The following LDB1 variants were observed in gnomAD, a reference collection of about 807,000 sequenced individuals.
LDB1 encodes the protein LIM domain binding 1, also known as LIM domain-binding protein 1.
A neutral mutation model predicts 49.7 loss-of-function variants in LDB1; 6 were observed. That is an observed-to-expected ratio of 0.12 (90% CI 0.07 to 0.24). The LOEUF (loss-of-function observed/expected upper bound fraction) is 0.24. LDB1 is among the 10% of genes least tolerant of loss of function. LDB1 has a pLI of 1.00. For missense variants in LDB1, 341 were observed against 561.7 expected, an observed-to-expected ratio of 0.61 and a Z score of 3.97; for synonymous variants, 233 against 202.0, an observed-to-expected ratio of 1.15 and a Z score of -1.30.
rs1174484869 is a variant in LDB1, at chr10:102,116,735, T to C, written c.25+3351A>G. ...ACCATTCCTCATCACAGCCTGGCCA[T>C]AGAATAAACCCCAGCTTTCACAAAC... On this transcript the variant is annotated intron_variant, in intron 1 of 10. Coordinates refer to ENST00000673968, the MANE Select transcript of LDB1 (RefSeq NM_001113407.3). Among the ~76,000 whole-genome samples, 9 of 152,106 alleles carry C rather than the reference T, an allele frequency of 5.9e-5. No individual in the cohort carries two copies. The East Asian group carries it at 7.7e-4, about 13-fold the overall frequency.
At chr10:102,112,131 C>T (rs78909136) in intron 1 of LDB1, among the ~76,000 whole-genome samples, 2,979 of 152,266 alleles carry the variant, frequency 0.02, 92 homozygotes, top group African/African-American at 0.068. Context: ...GGAATTGAAG[C>T]TGGGAAGAAT....
At chr10:102,102,109 G>A (rs1445602239), downstream of LDB1, among the ~76,000 whole-genome samples, 4 of 152,064 alleles carry the variant, frequency 2.6e-5, no homozygotes, top group African/African-American at 9.7e-5. Flanking sequence ...ATTTTTCATA[G>A]AGACAGGGTT....
At position 102,110,988 on chromosome 10, in the gene LDB1, C is replaced by A. The variant is rs751164059; in HGVS notation, c.250-17G>T. ...GTCACACTCCTAGGGAGCATGGTAACGGGTGTTCATGTGTCATAAGATATC... is the reference window on the plus strand; with the variant it reads ...GTCACACTCCTAGGGAGCATGGTAAAGGGTGTTCATGTGTCATAAGATATC... On this transcript the variant is annotated splice_polypyrimidine_tract_variant and intron_variant, in intron 4 of 10. Transcript: ENST00000673968. 6.2e-7 allele frequency: 1 copy of A among 1,612,518 alleles called. No individual in the cohort carries two copies.
chr10:102,119,189 C>T (rs2133535403), intron 1 of LDB1, among the ~76,000 whole-genome samples: 2 of 152,246 alleles, frequency 1.3e-5, no homozygotes, highest in South Asian at 4.1e-4. Flanking sequence ...TTCCAGGACC[C>T]AGAGTCCCGG....
chr10:102,110,493 G>C (rs373109358), intron 6 of LDB1, 36 bp downstream of exon 6: 8 of 1,587,064 alleles, frequency 5.0e-6, no homozygotes, highest in Non-Finnish European at 6.9e-6. Context: ...TCAAACCCAG[G>C]TGCCATGGTG....
chr10:102,109,346 G>A lies in LDB1; in HGVS notation c.856+38C>T. 2.5e-6 allele frequency: 4 copies of A among 1,613,036 alleles called. No homozygotes were observed. Among genetic ancestry groups the A allele is most frequent in the Non-Finnish European group, 3.4e-6 (4 of 1,179,706 alleles). On this transcript the variant is annotated intron_variant, in intron 9 of 10. Coordinates refer to ENST00000673968, the MANE Select transcript of LDB1 (RefSeq NM_001113407.3). The surrounding 1 kb of genome is among the most constrained non-coding windows in gnomAD (Gnocchi z 5.8). ...AATAAAGATACAGCTTTGGGGAGCGGTGTGAGATCCTGGTAAGAGCAGGTG... is the reference window on the plus strand; with the variant it reads ...AATAAAGATACAGCTTTGGGGAGCGATGTGAGATCCTGGTAAGAGCAGGTG...
Position 102,109,243 on chromosome 10 carries a change from C to T in LDB1, c.857-66G>A. 1.9e-6 allele frequency: 3 copies of T among 1,609,602 alleles called. No individual in the cohort carries two copies. The East Asian group carries it at 6.7e-5, about 36-fold the overall frequency. On this transcript the variant is annotated intron_variant, in intron 9 of 10. Transcript: ENST00000673968. The surrounding 1 kb of genome is among the most constrained non-coding windows in gnomAD (Gnocchi z 5.8). ...GGTCCCCTATTCTCCATTGTGGCTC[C>T]CAAGGAGCATGAGCCTGCCCTGATC...
rs2068345127 is a variant in LDB1 at position 102,117,164 on chromosome 10, T to G, written c.25+2922A>C. The stretch of plus-strand genomic sequence containing the variant: ...CTGGCTTTTGCCTCCAGCCCAGAGC[T>G]CAGAACCCCACACCCACCCTGTCTC... On this transcript the variant is annotated intron_variant, in intron 1 of 10. Coordinates refer to ENST00000673968, the MANE Select transcript of LDB1 (RefSeq NM_001113407.3). The surrounding 1 kb of genome is among the most constrained non-coding windows in gnomAD (Gnocchi z 4.2). Among the ~76,000 whole-genome samples, 1 of 152,014 alleles carries G rather than the reference T, an allele frequency of 6.6e-6. No individual in the cohort carries two copies. The highest frequency in any genetic ancestry group is 1.5e-5 in the Non-Finnish European group (1 of 67,996).
rs1590281501 is a variant in LDB1, at chr10:102,109,872, T to C, written c.648+49A>G. On this transcript the variant is annotated intron_variant, in intron 7 of 10. Transcript: ENST00000673968. This position sits in a 1 kb window ranked among gnomAD's most constrained non-coding sequence, Gnocchi z 5.8. ...GAAATGGCAGACCTTGTTCCACCCT[T>C]CCCCCGCCTGCCTTCACTCTTGCAT... 1.9e-6 allele frequency: 3 copies of C among 1,591,010 alleles called. No individual in the cohort carries two copies. The highest frequency in any genetic ancestry group is 8.6e-7 in the Non-Finnish European group (1 of 1,168,904).
Position 102,111,615 on chromosome 10 carries a change from G to C in LDB1, c.26-79C>G, listed in dbSNP as rs1227533402. 3.5e-5 allele frequency: 28 copies of C among 795,290 alleles called. No individual in the cohort carries two copies. In the East Asian group the frequency reaches 7.6e-4, roughly 22 times the overall value. 49.3% of individuals were successfully genotyped at this position (795,290 alleles called of 1,614,324 possible). ...CTAGCACTTTGGGAGTCCAAGGCAA[G>C]AAGATTGATTGAGCACAGGAGGTCG... On this transcript the variant is annotated intron_variant, in intron 1 of 10. Transcript: ENST00000673968.
chr10:102,110,152 G>C, intron 6 of LDB1, 109 bp from the exon 7 acceptor site: 1 of 1,232,044 alleles, frequency 8.1e-7, no homozygotes, highest in Non-Finnish European at 1.1e-6. Flanking sequence ...ATACACTTTT[G>C]TCACCTGCAC....
At chr10:102,114,618 A>G (rs1280576730) in intron 1 of LDB1, 2 of 984,770 alleles carry the variant, frequency 2.0e-6, no homozygotes, top group African/African-American at 3.5e-5. Flanking sequence ...GTCCCGGGGG[A>G]AAGTTACAAT....
intron 1 of LDB1, among the ~76,000 whole-genome samples, chr10:102,113,753 AT>A (rs1477739354): frequency 7.9e-5 from 11 of 138,554 alleles, no homozygotes; most frequent in African/African-American, 3.1e-4. Context: ...TTTCTCTCCA[AT>A]TTTGTAAAAA....
At chr10:102,112,634 A>G (rs559342856) in intron 1 of LDB1, among the ~76,000 whole-genome samples, 1 of 139,922 alleles carries the variant, frequency 7.1e-6, no homozygotes, top group South Asian at 2.3e-4. Flanking sequence ...TATTGTCTCC[A>G]AACCAGAAAC....
chr10:102,108,156 G>A lies in LDB1; in HGVS notation c.1173C>T (p.Asn391=). ...TTTCTTGGCTGGACGGAGGCTTGCT[G>A]TTCCAGGGGCTGTTGGCGCCCAGTG... is the stretch of plus-strand genomic sequence containing the variant. ...SPALGANSPW[N]SKPPSSQESK... Residue 391 remains asparagine, a synonymous_variant, in exon 11 of 11, where the codon AAC becomes AAT. Transcript: ENST00000673968. The A allele has an allele frequency of 1.2e-6, 2 of 1,614,136 alleles. No individual in the cohort carries two copies. The highest frequency in any genetic ancestry group is 1.7e-6 in the Non-Finnish European group (2 of 1,180,006).
intron 6 of LDB1, 125 bp downstream of exon 6, chr10:102,110,404 C>T: frequency 2.1e-6 from 2 of 964,568 alleles, no homozygotes; most frequent in Non-Finnish European, 3.1e-6. Flanking sequence ...CATGCCTACC[C>T]GCCCTTCTTA....
intron 1 of LDB1, among the ~76,000 whole-genome samples, chr10:102,119,172 G>A (rs2068371398): frequency 6.6e-6 from 1 of 152,134 alleles, no homozygotes; most frequent in Non-Finnish European, 1.5e-5. Flanking sequence ...TGGGGCAGGA[G>A]GGCCAATTCC....
chr10:102,114,808 A>G (rs1236112997), intron 1 of LDB1: 1 of 970,228 alleles, frequency 1.0e-6, no homozygotes, highest in African/African-American at 1.8e-5. Context: ...TCTGCCTCCG[A>G]GCAGCCCGCC....
At chr10:102,112,235 TTA>T (rs746664342) in intron 1 of LDB1, among the ~76,000 whole-genome samples, 3 of 152,204 alleles carry the variant, frequency 2.0e-5, no homozygotes, top group Non-Finnish European at 2.9e-5. Flanking sequence ...CAAAACAACC[TTA>T]TGAGGTAGCA....
Sources: allele counts gnomAD v4.1 joint callset (sites outside exome capture counted in the v4.1 genomes callset), GRCh38; gene constraint gnomAD v4.1.1; non-coding constraint Gnocchi (gnomAD v3.1); transcripts MANE v1.5; gene names NCBI Gene and HGNC (gene_info 2026-07-23, HGNC 2026-07-21).